DCLK1: variants seen among roughly 807,000 people sequenced by gnomAD.
DCLK1 encodes serine/threonine-protein kinase DCLK1.
DCLK1 carries 16 observed loss-of-function variants against 86.2 expected under a neutral mutation model. The observed-to-expected ratio is 0.19, with a 90% CI of 0.13 to 0.28. The LOEUF (loss-of-function observed/expected upper bound fraction) is 0.28. Among genes scored for constraint, DCLK1 ranks in the 10% least tolerant of loss-of-function variants. DCLK1 has a pLI of 1.00. For missense variants in DCLK1, 590 were observed against 940.2 expected (o/e 0.63, Z 4.87); for synonymous variants, 369 against 370.5 (o/e 1.00, Z 0.05).
intron 3 of DCLK1, among the ~76,000 whole-genome samples, chr13:36,036,005 A>T (rs1256576220): frequency 1.3e-5 from 2 of 152,082 alleles, no homozygotes; most frequent in Non-Finnish European, 2.9e-5. Flanking sequence ...TGGAGGCAGG[A>T]CTTGGACACT....
intron 4 of DCLK1, among the ~76,000 whole-genome samples, chr13:35,922,837 T>C (rs1204083696): frequency 6.6e-6 from 1 of 152,128 alleles, no homozygotes; most frequent in Non-Finnish European, 1.5e-5. Flanking sequence ...CAGCTTCAAG[T>C]GGCCCAAGTG....
At chr13:35,837,920 G>T (rs1869503462) in intron 7 of DCLK1, among the ~76,000 whole-genome samples, 1 of 151,908 alleles carries the variant, frequency 6.6e-6, no homozygotes, top group Non-Finnish European at 1.5e-5. Context: ...ACAAAAATTA[G>T]CTGGGCATGG....
At chr13:35,814,537 G>C (rs906123344) in intron 11 of DCLK1, among the ~76,000 whole-genome samples, 3 of 152,200 alleles carry the variant, frequency 2.0e-5, no homozygotes, top group African/African-American at 7.2e-5. Flanking sequence ...CCAGCTAGTG[G>C]AGCTGTGGTG....
At chr13:36,072,848 A>G (rs942884674) in intron 3 of DCLK1, among the ~76,000 whole-genome samples, 1 of 152,254 alleles carries the variant, frequency 6.6e-6, no homozygotes, top group Non-Finnish European at 1.5e-5. Context: ...GGAAGTTTCT[A>G]TAGAACTGGA....
chr13:36,112,101 G>T lies in DCLK1; in HGVS notation c.491C>A (p.Ser164Tyr). The change falls in exon 3 of 17, where the codon TCT (serine) becomes TAT (tyrosine). Residue 164 changes from serine (S) to tyrosine (Y), a missense_variant. Physicochemically the swap from Ser to Tyr is moderately radical, Grantham distance 144. This residue lies in a region of DCLK1 where 195 missense variants were observed against 365.1 expected (regional missense o/e 0.53). Coordinates refer to ENST00000360631, the MANE Select transcript of DCLK1 (RefSeq NM_001330071.2). ...GCTTCCTTTGGCAGTGGCCAGTGAA[G>T]ACACTGCCCGAGAAGCCGAGGTGGT... ...VKTTSASRAV[S>Y]SLATAKGSPS... is the part of the protein sequence containing the mutation. 1 of 1,614,118 alleles carries T rather than the reference G, an allele frequency of 6.2e-7. No individual in the cohort carries two copies. The highest frequency in any genetic ancestry group is 8.5e-7 in the Non-Finnish European group (1 of 1,179,984).
At chr13:35,884,786 A>G (rs1873129341) in intron 4 of DCLK1, among the ~76,000 whole-genome samples, 1 of 152,190 alleles carries the variant, frequency 6.6e-6, no homozygotes, top group African/African-American at 2.4e-5. Context: ...TCTGGGGACC[A>G]CACAGAGATG....
chr13:35,959,375 C>T (rs138946501), intron 3 of DCLK1, among the ~76,000 whole-genome samples: 18 of 152,160 alleles, frequency 1.2e-4, no homozygotes, highest in African/African-American at 4.1e-4. Context: ...ACCATGCAAA[C>T]AGGGCGATCA....
chr13:35,823,452 C>A (rs1417378767), intron 10 of DCLK1, among the ~76,000 whole-genome samples: 1 of 151,806 alleles, frequency 6.6e-6, no homozygotes, highest in East Asian at 1.9e-4. Flanking sequence ...ATATTGTGCT[C>A]CTTTGTAAGG....
intron 4 of DCLK1, among the ~76,000 whole-genome samples, chr13:35,914,333 ATATATATATATATATACATAT>A (rs1393973993): frequency 4.9e-4 from 16 of 32,970 alleles, no homozygotes; most frequent in Non-Finnish European, 7.5e-4. Flanking sequence ...AAAAAAAAAA[ATATATATATATATATACATAT>A]ATATATATAT....
chr13:35,976,607 T>G (rs536467892), intron 3 of DCLK1, among the ~76,000 whole-genome samples: 30 of 142,562 alleles, frequency 2.1e-4, no homozygotes, highest in Non-Finnish European at 1.8e-4. Context: ...CTCGGCTCAC[T>G]GCAAGCTCCG....
At chr13:36,068,567 T>C (rs1052047271) in intron 3 of DCLK1, among the ~76,000 whole-genome samples, 12 of 79,592 alleles carry the variant, frequency 1.5e-4, no homozygotes, top group Non-Finnish European at 3.4e-5. Flanking sequence ...GAACAGTCTT[T>C]TTTTTTTTAA....
At chr13:35,781,015 T>C (rs1427053401) in intron 16 of DCLK1, among the ~76,000 whole-genome samples, 2 of 152,264 alleles carry the variant, frequency 1.3e-5, no homozygotes, top group East Asian at 3.8e-4. Context: ...TGTGCTCAGA[T>C]AGTTTAAATC....
rs1023338135 is a variant in DCLK1, at chr13:35,948,697, G to C, written c.724-1240C>G. Among the ~76,000 whole-genome samples, 5 of 152,260 alleles carry C rather than the reference G, an allele frequency of 3.3e-5. No individual in the cohort carries two copies. In the East Asian group the frequency reaches 7.7e-4, roughly 24 times the overall value. On this transcript the variant is annotated intron_variant, in intron 3 of 16. Transcript: ENST00000360631. ...ATCACTTGGCCGAAGTTTTTAAAAT[G>C]GAATTTCTATAAGAGTTTGATAATC...
At chr13:35,815,618 G>A (rs528458932) in intron 11 of DCLK1, among the ~76,000 whole-genome samples, 54 of 152,118 alleles carry the variant, frequency 3.5e-4, no homozygotes, top group Non-Finnish European at 6.0e-4. Flanking sequence ...TAACATATAC[G>A]GTATCCCTTT....
chr13:35,937,639 A>T (rs1005738123), intron 4 of DCLK1, among the ~76,000 whole-genome samples: 1 of 152,094 alleles, frequency 6.6e-6, no homozygotes, highest in Non-Finnish European at 1.5e-5. Flanking sequence ...GACCAGAAAA[A>T]TCTTGGGATT....
intron 15 of DCLK1, among the ~76,000 whole-genome samples, chr13:35,804,638 G>C (rs539167262): frequency 6.6e-6 from 1 of 151,986 alleles, no homozygotes; most frequent in East Asian, 1.9e-4. Flanking sequence ...TCACCATGTT[G>C]ACCAGGCTGG....
chr13:35,966,886 T>C (rs1299041540), intron 3 of DCLK1, among the ~76,000 whole-genome samples: 2 of 151,972 alleles, frequency 1.3e-5, no homozygotes, highest in Non-Finnish European at 2.9e-5. Flanking sequence ...TGCCTTGGCC[T>C]CCCAAAGTGC....
At position 35,999,191 on chromosome 13, in the gene DCLK1, G is replaced by T. The variant is rs904217182; in HGVS notation, c.724-51734C>A. On this transcript the variant is annotated intron_variant, in intron 3 of 16. Coordinates refer to ENST00000360631, the MANE Select transcript of DCLK1 (RefSeq NM_001330071.2). ...AATCACTTGAACCCAGGAGGCAGAG[G>T]TTGCAGTGAGCCGAGATCATGCCAC... Among the ~76,000 whole-genome samples the T allele has an allele frequency of 2.6e-5, 4 of 152,038 alleles. No homozygotes were observed. In the South Asian group the frequency reaches 8.3e-4, roughly 32 times the overall value.
intron 3 of DCLK1, among the ~76,000 whole-genome samples, chr13:35,966,742 G>T (rs536352591): frequency 2.6e-3 from 400 of 152,258 alleles, no homozygotes; most frequent in Non-Finnish European, 3.4e-3. Flanking sequence ...CTGACCGCGA[G>T]TGATCTGCCA....
Sources: gnomAD v4.1 joint callset for allele counts (sites outside exome capture counted in the v4.1 genomes callset) on GRCh38, gnomAD v4.1.1 for gene constraint, gnomAD v4.1.1 regional missense constraint, MANE v1.5 for transcripts, NCBI Gene and HGNC (gene_info 2026-07-23, HGNC 2026-07-21) for gene names.